ZNF469: variants seen among roughly 807,000 people sequenced by gnomAD.
ZNF469 encodes the protein zinc finger protein 469.
ZNF469 carries 1 observed loss-of-function variant against 1.0 expected under a neutral mutation model. The ratio of observed to expected loss-of-function variants is 1.00; its 90% CI spans 0.35 to 4.73. The LOEUF is 4.73. Ranked by LOEUF, ZNF469 falls within the 30% of genes most tolerant of loss-of-function variation. The pLI, the probability that ZNF469 is intolerant of heterozygous loss-of-function variation, is 0.16. For missense variants in ZNF469, 6,100 were observed against 5,356.3 expected (o/e 1.14, Z -4.33); for synonymous variants, 2,703 against 2,363.4 (o/e 1.14, Z -4.17).
At chr16:88,328,484 G>A in the ZNF469 span, among the ~76,000 whole-genome samples, 1 of 152,170 alleles carries the variant, frequency 6.6e-6, no homozygotes, top group African/African-American at 2.4e-5. Context: ...CTCTGCTGCT[G>A]GACCTGAAAC....
chr16:88,225,839 A>G, the ZNF469 span, among the ~76,000 whole-genome samples: 456 of 152,314 alleles, frequency 3.0e-3, 2 homozygotes, highest in African/African-American at 0.011. Context: ...GCCAGCAGGA[A>G]ATGTCAGCTG....
chr16:88,404,984 A>G (rs1904987025), intron 1 of ZNF469, among the ~76,000 whole-genome samples: 1 of 152,178 alleles, frequency 6.6e-6, no homozygotes, highest in African/African-American at 2.4e-5. Flanking sequence ...GCATAGCTGG[A>G]TCCAGGTATT....
In ZNF469 at chr16:88,427,569, G is replaced by A. The variant is rs273585631; in HGVS notation, c.99G>A (p.Pro33=). Reference sequence around the variant, plus strand: ...GCAGCCCGGGGCACCCCTCCCAGCCGCCACTGGAGGACAACACCCCAGCTA... The same window carrying A: ...GCAGCCCGGGGCACCCCTCCCAGCCACCACTGGAGGACAACACCCCAGCTA... ...VASSPGHPSQ[P]PLEDNTPATR... is the part of the protein sequence containing the mutation. Residue 33 remains proline, a synonymous_variant, in exon 3 of 3, where the codon CCG becomes CCA. Coordinates refer to ENST00000565624, the MANE Select transcript of ZNF469 (RefSeq NM_001367624.2). 19 of 1,536,942 alleles carry A rather than the reference G, an allele frequency of 1.2e-5. No homozygotes were observed. Among genetic ancestry groups the A allele is most frequent in the African/African-American group, 8.2e-5 (6 of 72,990 alleles).
the ZNF469 span, among the ~76,000 whole-genome samples, chr16:88,267,007 A>T: frequency 1.3e-5 from 2 of 152,234 alleles, no homozygotes; most frequent in Non-Finnish European, 2.9e-5. Flanking sequence ...AGCCCCCGCC[A>T]AGTCCTCGGG....
the ZNF469 span, among the ~76,000 whole-genome samples, chr16:88,164,968 G>A: frequency 5.9e-5 from 9 of 152,124 alleles, no homozygotes; most frequent in East Asian, 1.9e-4. Context: ...CCACGGTGCC[G>A]AGGGAAGGCA....
At chr16:88,420,483 C>T (rs1347707103) in intron 1 of ZNF469, among the ~76,000 whole-genome samples, 1 of 152,184 alleles carries the variant, frequency 6.6e-6, no homozygotes, top group Non-Finnish European at 1.5e-5. Flanking sequence ...GGCCAGGAGG[C>T]CCAATTGGAC....
the ZNF469 span, among the ~76,000 whole-genome samples, chr16:88,123,100 G>A: frequency 0.014 from 2,062 of 152,148 alleles, 49 homozygotes; most frequent in African/African-American, 0.048. Context: ...ATATGCTGGC[G>A]AGTATGGACA....
At chr16:88,235,588 G>A in the ZNF469 span, among the ~76,000 whole-genome samples, 1 of 152,244 alleles carries the variant, frequency 6.6e-6, no homozygotes, top group East Asian at 1.9e-4. Flanking sequence ...GAACCCAAAA[G>A]AGGCTCCTTC....
At chr16:88,357,122 G>T in the ZNF469 span, among the ~76,000 whole-genome samples, 1 of 152,254 alleles carries the variant, frequency 6.6e-6, no homozygotes, top group South Asian at 2.1e-4. Flanking sequence ...GGCTGGAGGG[G>T]TTGGAGGTTG....
At chr16:88,197,380 G>C in the ZNF469 span, among the ~76,000 whole-genome samples, 1 of 152,172 alleles carries the variant, frequency 6.6e-6, no homozygotes, top group African/African-American at 2.4e-5. Context: ...TCCCCCACTA[G>C]TCTAGATTCT....
At chr16:88,252,252 T>C in the ZNF469 span, among the ~76,000 whole-genome samples, 1 of 146,272 alleles carries the variant, frequency 6.8e-6, no homozygotes, top group African/African-American at 2.5e-5. Flanking sequence ...CACAGTCTAA[T>C]TGTCAGCCAG....
the ZNF469 span, among the ~76,000 whole-genome samples, chr16:88,169,299 C>T: frequency 4.6e-5 from 7 of 152,278 alleles, no homozygotes; most frequent in South Asian, 6.2e-4. The surrounding 1 kb of genome is among the most constrained non-coding windows in gnomAD (Gnocchi z 6.1). Flanking sequence ...TGAGTTTCCG[C>T]GAATGTGTAC....
the ZNF469 span, among the ~76,000 whole-genome samples, chr16:88,108,889 G>T: frequency 1.3e-5 from 2 of 152,182 alleles, no homozygotes; most frequent in African/African-American, 2.4e-5. Flanking sequence ...ACCAGCCCCG[G>T]TCGGGACTTC....
rs919753634 is a variant in ZNF469, at chr16:88,430,848, G to C, written c.3378G>C (p.Leu1126=). The C allele has an allele frequency of 1.2e-5, 19 of 1,536,418 alleles. No homozygotes were observed. The highest frequency in any genetic ancestry group is 1.7e-5 in the Non-Finnish European group (19 of 1,146,208). The change falls in exon 3 of 3, where the codon CTG becomes CTC. Residue 1126 remains leucine (L), a synonymous_variant. Transcript: ENST00000565624. Reference sequence around the variant, plus strand: ...GCGAGAAGAGGAAGGAAGTGGAGCTGACCCAGGGTCCCAGAGAGGATGAGC... The same window carrying C: ...GCGAGAAGAGGAAGGAAGTGGAGCTCACCCAGGGTCCCAGAGAGGATGAGC... The part of the protein sequence containing the change: ...GRGEKRKEVE[L]TQGPREDEPQ...
At chr16:88,291,742 G>A in the ZNF469 span, among the ~76,000 whole-genome samples, 3 of 152,076 alleles carry the variant, frequency 2.0e-5, no homozygotes, top group Admixed American at 6.6e-5. Flanking sequence ...TCAGCAGAAA[G>A]GAAATGGAGC....
At chr16:88,138,094 A>G in the ZNF469 span, among the ~76,000 whole-genome samples, 1 of 152,218 alleles carries the variant, frequency 6.6e-6, no homozygotes, top group South Asian at 2.1e-4. Context: ...AGAACTGTGG[A>G]ATCAGACACA....
the ZNF469 span, among the ~76,000 whole-genome samples, chr16:88,283,780 G>A: frequency 6.6e-6 from 1 of 151,902 alleles, no homozygotes; most frequent in Non-Finnish European, 1.5e-5. Flanking sequence ...CGAGGTCTGC[G>A]GAGGCTGGTA....
At chr16:88,384,882 C>T (rs1479923880) in intron 1 of ZNF469, among the ~76,000 whole-genome samples, 2 of 152,118 alleles carry the variant, frequency 1.3e-5, no homozygotes, top group African/African-American at 2.4e-5. Flanking sequence ...GCTTGGATAC[C>T]TCCAGTGACC....
chr16:88,263,393 G>A, the ZNF469 span, among the ~76,000 whole-genome samples: 793 of 152,328 alleles, frequency 5.2e-3, 5 homozygotes, highest in African/African-American at 0.018. Context: ...GGGAACGCCC[G>A]CTCCCTGTGT....
Sources: gnomAD v4.1 joint callset for allele counts (sites outside exome capture counted in the v4.1 genomes callset) on GRCh38, gnomAD v4.1.1 for gene constraint, Gnocchi (gnomAD v3.1) non-coding constraint, MANE v1.5 for transcripts, NCBI Gene and HGNC (gene_info 2026-07-23, HGNC 2026-07-21) for gene names.